Variants in KCNMB1 observed in about 807,000 individuals in gnomAD.
The protein encoded by KCNMB1 is potassium calcium-activated channel subfamily M regulatory beta subunit 1, also known as calcium-activated potassium channel subunit beta-1.
A neutral mutation model predicts 21.7 loss-of-function variants in KCNMB1; 22 were observed. That is an observed-to-expected ratio of 1.01 (90% CI 0.72 to 1.45). The LOEUF (loss-of-function observed/expected upper bound fraction) is 1.45, where lower values mean the gene tolerates loss of function less well. Among genes scored for constraint, KCNMB1 ranks in the 40% most tolerant of loss-of-function variants. The pLI is 0.00. For synonymous variants in KCNMB1, 114 were observed against 107.6 expected (o/e 1.06, Z -0.37); for missense variants, 243 against 243.4 (o/e 1.00, Z 0.01).
intron 3 of KCNMB1, chr5:170,382,742 G>A (rs1764294745): frequency 7.1e-6 from 1 of 141,470 alleles, no homozygotes; most frequent in African/African-American, 2.7e-5. Context: ...GAGCCTTTCT[G>A]ATACCCCCAT....
rs1337781646 is a variant in KCNMB1, at chr5:170,375,390, C to G, written c.*3314G>C. The G allele has an allele frequency of 6.6e-6, 1 of 152,278 alleles. No homozygotes were observed. The highest frequency in any genetic ancestry group is 2.4e-5 in the African/African-American group (1 of 41,460). The allele number at this position is 152,278 out of a possible 1,614,324, so 9.4% of individuals were successfully genotyped here. ...AAGAAACTGGAGGCCACAGGGATAC[C>G]TCTGGGCTCCCTGGCTGGAATTGGC... On this transcript the variant is annotated 3_prime_UTR_variant, in exon 4 of 4. Transcript: ENST00000274629.
intron 1 of KCNMB1, among the ~76,000 whole-genome samples, chr5:170,386,141 CA>C (rs1222083071): frequency 6.7e-6 from 1 of 150,278 alleles, no homozygotes. Flanking sequence ...AAACAAAAAA[CA>C]AAAAAAGATA....
rs1036018222 is a variant in KCNMB1 at position 170,376,839 on chromosome 5, C to G, written c.*1865G>C. The G allele has an allele frequency of 6.6e-6, 1 of 152,050 alleles. No homozygotes were observed. Among genetic ancestry groups the G allele is most frequent in the Admixed American group, 6.6e-5 (1 of 15,254 alleles). 9.4% of individuals were successfully genotyped at this position (152,050 alleles called of 1,614,324 possible). On this transcript the variant is annotated 3_prime_UTR_variant, in exon 4 of 4. Coordinates refer to ENST00000274629, the MANE Select transcript of KCNMB1 (RefSeq NM_004137.4). ...CCTTGACACAAGTGTACCTATGTAA[C>G]AAACCTGAACGTGTACCCTGCAACT...
chr5:170,381,069 A>G (rs956690646), intron 3 of KCNMB1, among the ~76,000 whole-genome samples: 2 of 152,246 alleles, frequency 1.3e-5, no homozygotes, highest in Non-Finnish European at 2.9e-5. Context: ...AAAGAGGTCT[A>G]TGGATGAGCT....
intron 3 of KCNMB1, among the ~76,000 whole-genome samples, chr5:170,379,869 C>A (rs1581128094): frequency 6.6e-6 from 1 of 151,490 alleles, no homozygotes; most frequent in Admixed American, 6.6e-5. Context: ...GGAGGATCAC[C>A]TGAGCCCAGG....
At chr5:170,385,042 A>G (rs1262177131) in intron 2 of KCNMB1, among the ~76,000 whole-genome samples, 1 of 152,034 alleles carries the variant, frequency 6.6e-6, no homozygotes, top group Admixed American at 6.5e-5. Flanking sequence ...ATTCTTTGCT[A>G]TTTCTTCTGA....
chr5:170,386,578 T>C (rs1240488296), intron 1 of KCNMB1, among the ~76,000 whole-genome samples: 1 of 152,064 alleles, frequency 6.6e-6, no homozygotes, highest in Non-Finnish European at 1.5e-5. Flanking sequence ...CCAGAAACAG[T>C]TCTGTGGCAG....
rs1763986215 is a variant in KCNMB1 at position 170,375,992 on chromosome 5, T to G, written c.*2712A>C. ...ATACTTAGCCACTGTCCTCTGTTGC[T>G]TCTCATCATCTGTGAGGCAGGTTCA... is the stretch of plus-strand genomic sequence containing the variant. On this transcript the variant is annotated 3_prime_UTR_variant, in exon 4 of 4. Transcript: ENST00000274629. The G allele has an allele frequency of 6.6e-6, 1 of 152,214 alleles. No homozygotes were observed. The highest frequency in any genetic ancestry group is 2.4e-5 in the African/African-American group (1 of 41,442). The allele number at this position is 152,214 out of a possible 1,614,324, so 9.4% of individuals were successfully genotyped here.
chr5:170,386,401 G>A (rs1466511112), intron 1 of KCNMB1, among the ~76,000 whole-genome samples: 3 of 152,180 alleles, frequency 2.0e-5, no homozygotes, highest in South Asian at 2.1e-4. Context: ...AGACACCTTG[G>A]TGATTTTGGA....
In KCNMB1 at chr5:170,375,307, A is replaced by C. The variant is rs538544814; in HGVS notation, c.*3397T>G. ...CCTTTGAGACTTCCCTGACCCCAGAAGGAAAAAATTCCAGGGAATGATGAG... is the reference window on the plus strand; with the variant it reads ...CCTTTGAGACTTCCCTGACCCCAGACGGAAAAAATTCCAGGGAATGATGAG... On this transcript the variant is annotated 3_prime_UTR_variant, in exon 4 of 4. Coordinates refer to ENST00000274629, the MANE Select transcript of KCNMB1 (RefSeq NM_004137.4). The C allele has an allele frequency of 6.6e-6, 1 of 152,386 alleles. No homozygotes were observed. The allele number at this position is 152,386 out of a possible 1,614,324, so 9.4% of individuals were successfully genotyped here.
intron 2 of KCNMB1, among the ~76,000 whole-genome samples, chr5:170,384,827 A>G (rs895810071): frequency 6.6e-6 from 1 of 152,256 alleles, no homozygotes; most frequent in African/African-American, 2.4e-5. Context: ...TGCTGGCTCA[A>G]TGCAGACACA....
rs1289371769 is a variant in KCNMB1, at chr5:170,377,583, T to G, written c.*1121A>C. 1.3e-5 allele frequency: 2 copies of G among 151,436 alleles called. No homozygotes were observed. The highest frequency in any genetic ancestry group is 2.9e-5 in the Non-Finnish European group (2 of 67,892). The allele number at this position is 151,436 out of a possible 1,614,324, so 9.4% of individuals were successfully genotyped here. ...TTGTTTTTCATTTTTTGTTTTTTGTTTTTTTTTTGAGACGGAGTCTTGTTC... is the reference window on the plus strand; with the variant it reads ...TTGTTTTTCATTTTTTGTTTTTTGTGTTTTTTTTGAGACGGAGTCTTGTTC... On this transcript the variant is annotated 3_prime_UTR_variant, in exon 4 of 4. Coordinates refer to ENST00000274629, the MANE Select transcript of KCNMB1 (RefSeq NM_004137.4).
At position 170,383,794 on chromosome 5, in the gene KCNMB1, T is replaced by C. The variant is rs761825484; in HGVS notation, c.191A>G (p.Glu64Gly). 3 of 1,614,160 alleles carry C rather than the reference T, an allele frequency of 1.9e-6. No homozygotes were observed. In the East Asian group the frequency reaches 6.7e-5, roughly 36 times the overall value. The change falls in exon 3 of 4, where the codon GAG becomes GGG. Residue 64 changes from glutamate to glycine, a missense_variant. Coordinates refer to ENST00000274629, the MANE Select transcript of KCNMB1 (RefSeq NM_004137.4). ...HLIETNIRDQ[E>G]ELKGKKVPQY... ...GGGCACCTTCTTGCCCTTCAGCTCC[T>C]CCTGGTCCCTGATGTTGGTCTCAAT... is the stretch of plus-strand genomic sequence containing the variant.
At chr5:170,383,416 A>G (rs1265398902) in intron 3 of KCNMB1, 4 of 602,864 alleles carry the variant, frequency 6.6e-6, no homozygotes, top group Non-Finnish European at 8.9e-6. Flanking sequence ...CAGCATTAGC[A>G]TTCCACTTTA....
In KCNMB1 at chr5:170,375,587, CCCCTCAGCCCTTCACAGCTGGCTCTGT is replaced by C. The variant is rs1290589364; in HGVS notation, c.*3090_*3116del. The C allele has an allele frequency of 1.3e-3, 123 of 95,486 alleles. No homozygotes were observed. Among genetic ancestry groups the C allele is most frequent in the African/African-American group, 4.7e-3 (115 of 24,216 alleles). The allele number at this position is 95,486 out of a possible 1,614,324, so 5.9% of individuals were successfully genotyped here. A position where few individuals can be genotyped will look rare whatever the true frequency, so the allele number is the denominator to read the frequency against. Reference sequence around the variant, plus strand: ...CCTCAGCCCTTCACAGCTGGCTCTGCCCCTCAGCCCTTCACAGCTGGCTCTGTCCCTCAGCCCTTCACAGCTGGCTCT... The same window carrying C: ...CCTCAGCCCTTCACAGCTGGCTCTGCCCCTCAGCCCTTCACAGCTGGCTCT... On this transcript the variant is annotated 3_prime_UTR_variant, in exon 4 of 4. Transcript: ENST00000274629.
At position 170,378,547 on chromosome 5, in the gene KCNMB1, T is replaced by A; in HGVS notation, c.*157A>T. The A allele has an allele frequency of 1.2e-6, 1 of 828,258 alleles. No homozygotes were observed. Among genetic ancestry groups the A allele is most frequent in the Non-Finnish European group, 1.9e-6 (1 of 525,312 alleles). 51.3% of individuals were successfully genotyped at this position (828,258 alleles called of 1,614,324 possible). Reference sequence around the variant, plus strand: ...GCAGGCAATGACTTCACAAAAGGATTTCTCAAAGGTTAGTCCTGCAACAGA... The same window carrying A: ...GCAGGCAATGACTTCACAAAAGGATATCTCAAAGGTTAGTCCTGCAACAGA... On this transcript the variant is annotated 3_prime_UTR_variant, in exon 4 of 4. Coordinates refer to ENST00000274629, the MANE Select transcript of KCNMB1 (RefSeq NM_004137.4).
intron 2 of KCNMB1, 102 bp from the exon 3 acceptor site, chr5:170,383,952 C>A: frequency 8.1e-7 from 1 of 1,232,494 alleles, no homozygotes; most frequent in Admixed American, 2.2e-5. Flanking sequence ...TAGAGGGATC[C>A]AGGACTGGGA....
At chr5:170,379,015 C>T (rs1309645932) in intron 3 of KCNMB1, 42 bp from the exon 4 acceptor site, 1 of 1,595,888 alleles carries the variant, frequency 6.3e-7, no homozygotes, top group African/African-American at 1.3e-5. Flanking sequence ...TGGAAATCCC[C>T]ATTTCTTAGC....
chr5:170,385,288 G>C (rs754692679), intron 2 of KCNMB1, 26 bp downstream of exon 2: 11 of 1,613,636 alleles, frequency 6.8e-6, no homozygotes, highest in African/African-American at 1.3e-5. Flanking sequence ...GGGTTGGGGG[G>C]TGGGCAGGCC....
Sources: gnomAD v4.1 joint callset for allele counts (sites outside exome capture counted in the v4.1 genomes callset) on GRCh38, gnomAD v4.1.1 for gene constraint, MANE v1.5 for transcripts, NCBI Gene and HGNC (gene_info 2026-07-23, HGNC 2026-07-21) for gene names.